The following HLX variants were observed in gnomAD, a reference collection of about 807,000 sequenced individuals.
HLX encodes H2.0 like homeobox, also known as H2.0-like homeobox protein.
A neutral mutation model predicts 27.7 loss-of-function variants in HLX; 6 were observed. That is an observed-to-expected ratio of 0.22 (90% CI 0.12 to 0.43). HLX has a LOEUF of 0.43. Among genes scored for constraint, HLX ranks in the 20% least tolerant of loss-of-function variants. The probability of loss-of-function intolerance (pLI) is 1.00; values close to 1 mark genes in which losing one functional copy is unlikely to be tolerated. For missense variants in HLX, 666 were observed against 655.2 expected, an observed-to-expected ratio of 1.02 and a Z score of -0.18; for synonymous variants, 328 against 293.8, an observed-to-expected ratio of 1.12 and a Z score of -1.19.
intron 2 of HLX, chr1:220,881,814 G>T: frequency 2.9e-6 from 1 of 343,566 alleles, no homozygotes; most frequent in Non-Finnish European, 5.4e-6. Flanking sequence ...ACACACACAC[G>T]AGATAATTCA....
Position 220,882,197 on chromosome 1 carries a change from C to T in HLX, c.806C>T (p.Pro269Leu), listed in dbSNP as rs1674469332. 19 of 1,614,212 alleles carry T rather than the reference C, an allele frequency of 1.2e-5. No individual in the cohort carries two copies. The highest frequency in any genetic ancestry group is 3.3e-5 in the South Asian group (3 of 91,072). ...GCTGTGCTCACGAAGGACACCATGC[C>T]GCAGACGTACAAAAGGAAGCGTTCA... ...PYAVLTKDTMPQTYKRKRSWS... is the reference protein window; with the variant it reads ...PYAVLTKDTMLQTYKRKRSWS... The change falls in exon 3 of 4, where the codon CCG (proline) becomes CTG (leucine). Residue 269 changes from proline to leucine, a missense_variant. Pro to Leu is a moderately conservative substitution (Grantham distance 98). Coordinates refer to ENST00000366903, the MANE Select transcript of HLX (RefSeq NM_021958.4).
rs777910112 is a variant in HLX at position 220,884,197 on chromosome 1, G to A, written c.960G>A (p.Val320=). 1 of 1,613,926 alleles carries A rather than the reference G, an allele frequency of 6.2e-7. No homozygotes were observed. The highest frequency in any genetic ancestry group is 1.1e-5 in the South Asian group (1 of 91,048). ...TCTCCCGGTGTGGCGCGGCGCAGGT[G>A]AAGGTGTGGTTCCAGAACCGGCGGA... is the stretch of plus-strand genomic sequence containing the variant. ...AAMLGLTDAQ[V]KVWFQNRRMK... is the part of the protein sequence containing the mutation. Residue 320 remains valine, a splice_region_variant and synonymous_variant, in exon 4 of 4, where the codon GTG becomes GTA. Transcript: ENST00000366903. The surrounding 1 kb of genome is among the most constrained non-coding windows in gnomAD (Gnocchi z 4.9).
In HLX at chr1:220,884,898, C is replaced by T. The variant is rs1674537425; in HGVS notation, c.*194C>T. ...CACTGCCCAAAGCAGAGGGGAGTCT[C>T]AGTGTCCTGCTAGCCAGCCGAACAC... On this transcript the variant is annotated 3_prime_UTR_variant, in exon 4 of 4. Transcript: ENST00000366903. The surrounding 1 kb of genome is among the most constrained non-coding windows in gnomAD (Gnocchi z 4.9). 8 of 850,660 alleles carry T rather than the reference C, an allele frequency of 9.4e-6. No homozygotes were observed. The highest frequency in any genetic ancestry group is 1.7e-5 in the African/African-American group (1 of 58,464). 52.7% of individuals were successfully genotyped at this position (850,660 alleles called of 1,614,324 possible). A position where few individuals can be genotyped will look rare whatever the true frequency, so the allele number is the denominator to read the frequency against.
chr1:220,881,178 T>C lies in HLX; in HGVS notation c.593-16T>C. Reference sequence around the variant, plus strand: ...TGCCCGAGATGTAACCTGCTATCCTTTTCCCTTGTCCCCAGATCTCACTTC... The same window carrying C: ...TGCCCGAGATGTAACCTGCTATCCTCTTCCCTTGTCCCCAGATCTCACTTC... On this transcript the variant is annotated splice_polypyrimidine_tract_variant and intron_variant, in intron 1 of 3. Coordinates refer to ENST00000366903, the MANE Select transcript of HLX (RefSeq NM_021958.4). The C allele has an allele frequency of 6.2e-7, 1 of 1,611,998 alleles. No homozygotes were observed. The highest frequency in any genetic ancestry group is 8.5e-7 in the Non-Finnish European group (1 of 1,178,256).
chr1:220,883,985 C>T (rs1182245572), intron 3 of HLX: 2 of 606,916 alleles, frequency 3.3e-6, no homozygotes, highest in African/African-American at 3.7e-5. Flanking sequence ...TTAGTGGGTT[C>T]CCTAGGCCAG....
At position 220,884,293 on chromosome 1, in the gene HLX, A is replaced by T; in HGVS notation, c.1056A>T (p.Ser352=). The T allele has an allele frequency of 1.2e-6, 2 of 1,613,748 alleles. No individual in the cohort carries two copies. Among genetic ancestry groups the T allele is most frequent in the Non-Finnish European group, 1.7e-6 (2 of 1,179,864 alleles). Residue 352 remains serine (S), a synonymous_variant, in exon 4 of 4, where the codon TCA becomes TCT. Transcript: ENST00000366903. The surrounding 1 kb of genome is among the most constrained non-coding windows in gnomAD (Gnocchi z 4.9). ...ACAAGGAGGCTGGCGAGAAGCCATC[A>T]GGTGGAGCCCCGGCTGCGGATGGCG... ...DKDKEAGEKP[S]GGAPAADGEQ...
chr1:220,880,902 T>A, intron 1 of HLX: 1 of 437,198 alleles, frequency 2.3e-6, no homozygotes, highest in Non-Finnish European at 4.1e-6. Context: ...GGGGCGGAGG[T>A]TTTGCGTCTG....
At position 220,879,909 on chromosome 1, in the gene HLX, T is replaced by C. The variant is rs753326845; in HGVS notation, c.52T>C (p.Ser18Pro). 1.3e-6 allele frequency: 2 copies of C among 1,594,888 alleles called. No individual in the cohort carries two copies. The highest frequency in any genetic ancestry group is 3.4e-5 in the Admixed American group (2 of 59,314). ...PFYASNFSLW[S>P]AAYCSSAGPG... ...CTACGCCTCCAACTTCAGCCTCTGG[T>C]CGGCCGCTTACTGCTCCTCGGCCGG... Residue 18 changes from serine to proline, a missense_variant, in exon 1 of 4, where the codon TCG becomes CCG. Coordinates refer to ENST00000366903, the MANE Select transcript of HLX (RefSeq NM_021958.4).
In HLX at chr1:220,880,374, G is replaced by C; in HGVS notation, c.517G>C (p.Asp173His). 2 of 1,614,118 alleles carry C rather than the reference G, an allele frequency of 1.2e-6. No homozygotes were observed. The highest frequency in any genetic ancestry group is 1.7e-6 in the Non-Finnish European group (2 of 1,180,026). Residue 173 changes from aspartate to histidine, a missense_variant, in exon 1 of 4, where the codon GAC becomes CAC. By Grantham distance (81) the Asp-to-His change is moderately conservative (BLOSUM62 -1). Transcript: ENST00000366903. ...CTCTGCCCCGGCCCCCTCCAGCAAAGACCTCAAATTTGGAATTGACCGCAT... is the reference window on the plus strand; with the variant it reads ...CTCTGCCCCGGCCCCCTCCAGCAAACACCTCAAATTTGGAATTGACCGCAT... Reference protein sequence around the residue: ...SGSAPAPSSKDLKFGIDRILS... With the variant: ...SGSAPAPSSKHLKFGIDRILS...
intron 3 of HLX, chr1:220,883,019 A>G: frequency 6.6e-6 from 1 of 152,470 alleles, no homozygotes; most frequent in Non-Finnish European, 1.5e-5. Flanking sequence ...GAATTTTTTC[A>G]AGACAATAGG....
chr1:220,881,585 T>G, intron 2 of HLX: 8 of 595,362 alleles, frequency 1.3e-5, no homozygotes, highest in Non-Finnish European at 1.5e-5. Flanking sequence ...CGCCTGGAGA[T>G]CCCAGAAAGT....
chr1:220,882,709 G>A (rs1230664292), intron 3 of HLX: 2 of 212,008 alleles, frequency 9.4e-6, no homozygotes, highest in Non-Finnish European at 1.9e-5. Flanking sequence ...TTTCAGAAAA[G>A]ATAAAAACCC....
intron 1 of HLX, 187 bp from the exon 2 acceptor site, chr1:220,881,007 A>T: frequency 1.6e-6 from 1 of 631,572 alleles, no homozygotes; most frequent in Non-Finnish European, 2.9e-6. Context: ...TGAGGGACAC[A>T]CAGGAACTTT....
At position 220,884,193 on chromosome 1, in the gene HLX, A is replaced by C; in HGVS notation, c.958-2A>C. On this transcript the variant is annotated splice_acceptor_variant, in intron 3 of 3. Coordinates refer to ENST00000366903, the MANE Select transcript of HLX (RefSeq NM_021958.4). LOFTEE classifies it high-confidence loss of function. The surrounding 1 kb of genome is among the most constrained non-coding windows in gnomAD (Gnocchi z 4.9). ...CTTGTCTCCCGGTGTGGCGCGGCGCAGGTGAAGGTGTGGTTCCAGAACCGG... is the reference window on the plus strand; with the variant it reads ...CTTGTCTCCCGGTGTGGCGCGGCGCCGGTGAAGGTGTGGTTCCAGAACCGG... The C allele has an allele frequency of 6.2e-7, 1 of 1,613,508 alleles. No homozygotes were observed. The highest frequency in any genetic ancestry group is 8.5e-7 in the Non-Finnish European group (1 of 1,179,682).
Position 220,880,232 on chromosome 1 carries a change from A to C in HLX, c.375A>C (p.Gln125His), listed in dbSNP as rs62621984. The change falls in exon 1 of 4, where the codon CAA becomes CAC. Residue 125 changes from glutamine (Q) to histidine (H), a missense_variant. Physicochemically the swap from Gln to His is conservative, Grantham distance 24. Coordinates refer to ENST00000366903, the MANE Select transcript of HLX (RefSeq NM_021958.4). Reference protein sequence around the residue: ...LSAAYHHHHPQQQQQQQQPQQ... With the variant: ...LSAAYHHHHPHQQQQQQQPQQ... ...CCGCCTACCACCACCATCACCCGCA[A>C]CAACAACAGCAGCAGCAACAGCCGC... 0.036 allele frequency: 57,783 copies of C among 1,610,232 alleles called. 1,277 individuals are homozygous for C. The highest frequency in any genetic ancestry group is 0.042 in the Non-Finnish European group (49,373 of 1,178,466).
At position 220,879,651 on chromosome 1, in the gene HLX, G is replaced by T. The variant is rs888069088; in HGVS notation, c.-207G>T. The T allele has an allele frequency of 6.5e-6, 5 of 766,226 alleles. No individual in the cohort carries two copies. The East Asian group carries it at 9.9e-5, about 15-fold the overall frequency. 47.5% of individuals were successfully genotyped at this position (766,226 alleles called of 1,614,324 possible). A position where few individuals can be genotyped will look rare whatever the true frequency, so the allele number is the denominator to read the frequency against. On this transcript the variant is annotated 5_prime_UTR_variant, in exon 1 of 4. Coordinates refer to ENST00000366903, the MANE Select transcript of HLX (RefSeq NM_021958.4). ...CGCCTTTAAAGCGAGGCCAGGGAGCGAGGCGGTGACCGGCCGAGATCCGGC... is the reference window on the plus strand; with the variant it reads ...CGCCTTTAAAGCGAGGCCAGGGAGCTAGGCGGTGACCGGCCGAGATCCGGC...
rs747201663 is a variant in HLX, at chr1:220,880,188, C to G, written c.331C>G (p.Arg111Gly). 6.2e-7 allele frequency: 1 copy of G among 1,612,134 alleles called. No individual in the cohort carries two copies. The highest frequency in any genetic ancestry group is 1.1e-5 in the South Asian group (1 of 91,068). Residue 111 changes from arginine (R) to glycine (G), a missense_variant, in exon 1 of 4, where the codon CGG becomes GGG. Physicochemically the swap from Arg to Gly is moderately radical, Grantham distance 125 (BLOSUM62 -2). Transcript: ENST00000366903. ...CGAAGTCCCGGCTGGCTTCCCGCAG[C>G]GGCTGTCTCCGCTCTCAGCCGCCTA... Reference protein sequence around the residue: ...PSEVPAGFPQRLSPLSAAYHH... With the variant: ...PSEVPAGFPQGLSPLSAAYHH...
Position 220,880,164 on chromosome 1 carries a change from G to C in HLX, c.307G>C (p.Glu103Gln), listed in dbSNP as rs1558115163. 6.2e-7 allele frequency: 1 copy of C among 1,612,834 alleles called. No homozygotes were observed. Among genetic ancestry groups the C allele is most frequent in the Admixed American group, 1.7e-5 (1 of 59,974 alleles). The change falls in exon 1 of 4, where the codon GAA (glutamate) becomes CAA (glutamine). Residue 103 changes from glutamate (E) to glutamine (Q), a missense_variant. Coordinates refer to ENST00000366903, the MANE Select transcript of HLX (RefSeq NM_021958.4). ...ACCCACCCCAGTGGTGGCGCCCTCC[G>C]AAGTCCCGGCTGGCTTCCCGCAGCG... ...LRPTPVVAPS[E>Q]VPAGFPQRLS...
At chr1:220,882,635 AG>A (rs1386351874) in intron 3 of HLX, 4 of 441,428 alleles carry the variant, frequency 9.1e-6, no homozygotes, top group East Asian at 8.2e-5. Context: ...AGAAAGCAAA[AG>A]GGCCGCTGGA....
Sources: gnomAD v4.1 joint callset for allele counts on GRCh38, gnomAD v4.1.1 for gene constraint, Gnocchi (gnomAD v3.1) non-coding constraint, MANE v1.5 for transcripts, NCBI Gene and HGNC (gene_info 2026-07-23, HGNC 2026-07-21) for gene names.